NRG1: variants seen among roughly 807,000 people sequenced by gnomAD.
NRG1 encodes the protein neuregulin 1.
In NRG1, 18 loss-of-function variants were observed where a neutral mutation model predicts 63.8. The ratio of observed to expected loss-of-function variants is 0.28; its 90% CI spans 0.19 to 0.42. NRG1 has a LOEUF of 0.42. Among genes scored for constraint, NRG1 ranks in the 10% least tolerant of loss-of-function variants. The pLI is 1.00. For synonymous variants in NRG1, 302 were observed against 301.3 expected (o/e 1.00, Z -0.02); for missense variants, 762 against 814.7 (o/e 0.94, Z 0.79).
intron 11 of NRG1, 152 bp from the exon 12 acceptor site, chr8:32,763,596 G>C: frequency 9.5e-7 from 1 of 1,048,614 alleles, no homozygotes; most frequent in Non-Finnish European, 1.3e-6. Flanking sequence ...CAAGGGTGTG[G>C]AATTTCCTAG....
intron 5 of NRG1, among the ~76,000 whole-genome samples, chr8:32,694,589 T>G (rs1192628162): frequency 4.6e-5 from 7 of 152,188 alleles, no homozygotes. Context: ...AAAACAACTA[T>G]GAAGACCCAC....
chr8:32,444,889 C>A (rs1015032662), intron 1 of NRG1, among the ~76,000 whole-genome samples: 4 of 152,176 alleles, frequency 2.6e-5, no homozygotes, highest in African/African-American at 7.2e-5. Context: ...GTTCAAAGAG[C>A]CTCGATAGCT....
At chr8:31,754,076 C>G (rs1816735047) in intron 1 of NRG1, among the ~76,000 whole-genome samples, 1 of 152,004 alleles carries the variant, frequency 6.6e-6, no homozygotes, top group Non-Finnish European at 1.5e-5. Flanking sequence ...AAATATGCAC[C>G]CAGAGAACTT....
At chr8:32,350,331 G>A (rs767674328) in intron 1 of NRG1, among the ~76,000 whole-genome samples, 12 of 152,170 alleles carry the variant, frequency 7.9e-5, no homozygotes, top group Non-Finnish European at 1.5e-4. Context: ...TTTGTTCTCC[G>A]GTATCAGGAG....
intron 1 of NRG1, among the ~76,000 whole-genome samples, chr8:32,153,655 G>C (rs1325080949): frequency 6.6e-6 from 1 of 152,156 alleles, no homozygotes; most frequent in Non-Finnish European, 1.5e-5. Context: ...TAGAAACTAA[G>C]AATTCCAATG....
intron 5 of NRG1, among the ~76,000 whole-genome samples, chr8:32,658,402 G>A (rs74858507): frequency 4.2e-3 from 632 of 152,276 alleles, no homozygotes; most frequent in Admixed American, 7.2e-3. Flanking sequence ...TGAATACTGT[G>A]ATGTCTTTAG....
At chr8:31,639,672 C>T in intron 1 of NRG1, 13 of 1,381,726 alleles carry the variant, frequency 9.4e-6, no homozygotes, top group Non-Finnish European at 1.1e-5. Context: ...GGCGCGGCGG[C>T]GGCGCGGGGG....
chr8:32,170,150 C>G (rs567653722), intron 1 of NRG1, among the ~76,000 whole-genome samples: 2 of 152,276 alleles, frequency 1.3e-5, no homozygotes, highest in South Asian at 4.1e-4. Flanking sequence ...TCAGACTTCT[C>G]TCCTCTAGAA....
At chr8:32,721,902 G>T in intron 5 of NRG1, 1 of 1,449,676 alleles carries the variant, frequency 6.9e-7, no homozygotes, top group South Asian at 1.5e-5. Flanking sequence ...TTCCCCAGTA[G>T]GAGTTCAGTC....
chr8:32,001,092 A>G (rs546020130), intron 1 of NRG1, among the ~76,000 whole-genome samples: 6 of 152,200 alleles, frequency 3.9e-5, no homozygotes. Flanking sequence ...TATTATGAAC[A>G]TCTTATATTA....
At chr8:32,469,224 A>G (rs1048497138) in intron 1 of NRG1, among the ~76,000 whole-genome samples, 1 of 152,250 alleles carries the variant, frequency 6.6e-6, no homozygotes, top group African/African-American at 2.4e-5. Context: ...TCAGTTTTCT[A>G]TAATGACAAA....
In NRG1 at chr8:31,935,805, A is replaced by G. The variant is rs111653308; in HGVS notation, c.37+296374A>G. On this transcript the variant is annotated intron_variant, in intron 1 of 10. Transcript: ENST00000519301. The stretch of plus-strand genomic sequence containing the variant: ...ACTACACATTTCTGGCTGACTTTAG[A>G]GCTCTAGATGTTTTTCTCCTATGTT... 3.8e-3 allele frequency among the ~76,000 whole-genome samples: 585 copies of G among 152,226 alleles called. 4 individuals carry two copies. The highest frequency in any genetic ancestry group is 0.014 in the African/African-American group (562 of 41,520).
chr8:32,201,108 A>T lies in NRG1; in HGVS notation c.38-394720A>T, dbSNP rs149792089. Among the ~76,000 whole-genome samples, 459 of 152,340 alleles carry T rather than the reference A, an allele frequency of 3.0e-3. 7 individuals are homozygous for T. The highest frequency in any genetic ancestry group is 0.011 in the African/African-American group (442 of 41,580). ...CACTTGTCAACTGGCACCCAAGTTC[A>T]GGCAGTCTCCATTTTAATCAATCAG... On this transcript the variant is annotated intron_variant, in intron 1 of 10. Transcript: ENST00000519301.
chr8:31,728,810 A>G (rs959788656), intron 1 of NRG1, among the ~76,000 whole-genome samples: 2 of 152,166 alleles, frequency 1.3e-5, no homozygotes, highest in Admixed American at 6.6e-5. Context: ...ATTCTTGTTT[A>G]TGATACTATT....
In NRG1 at chr8:31,789,347, T is replaced by G. The variant is rs556722861; in HGVS notation, c.37+149916T>G. Among the ~76,000 whole-genome samples the G allele has an allele frequency of 1.5e-3, 230 of 152,358 alleles. 1 individual carries two copies. Among genetic ancestry groups the G allele is most frequent in the African/African-American group, 5.3e-3 (222 of 41,590 alleles). ...TTTCTTAGCTGTGGCTGTAGCAGGC[T>G]GTTACTGATTACCCTCATAAGATGT... is the stretch of plus-strand genomic sequence containing the variant. On this transcript the variant is annotated intron_variant, in intron 1 of 10. Transcript: ENST00000519301.
intron 1 of NRG1, among the ~76,000 whole-genome samples, chr8:32,169,234 A>G (rs1000322513): frequency 6.6e-6 from 1 of 152,208 alleles, no homozygotes; most frequent in African/African-American, 2.4e-5. Flanking sequence ...GTTACTTCTT[A>G]GACATCCTGC....
chr8:31,658,218 A>G (rs2130921247), intron 1 of NRG1, among the ~76,000 whole-genome samples: 1 of 152,282 alleles, frequency 6.6e-6, no homozygotes, highest in Admixed American at 6.5e-5. Flanking sequence ...TTTCTCCAGG[A>G]AGGAAAAGAG....
chr8:31,695,554 C>T (rs1809974623), intron 1 of NRG1, among the ~76,000 whole-genome samples: 1 of 152,178 alleles, frequency 6.6e-6, no homozygotes, highest in South Asian at 2.1e-4. Flanking sequence ...AATCCACTTC[C>T]ATGACCCAAT....
intron 1 of NRG1, among the ~76,000 whole-genome samples, chr8:31,764,327 A>G (rs1817844671): frequency 6.6e-6 from 1 of 152,198 alleles, no homozygotes; most frequent in Non-Finnish European, 1.5e-5. Context: ...TGATACAGTC[A>G]TGATAAATAG....
Sources: allele counts gnomAD v4.1 joint callset (sites outside exome capture counted in the v4.1 genomes callset), GRCh38; gene constraint gnomAD v4.1.1; transcripts MANE v1.5; gene names NCBI Gene and HGNC (gene_info 2026-07-23, HGNC 2026-07-21).